The following SMOC2 variants were observed in gnomAD, a reference collection of about 807,000 sequenced individuals.
SMOC2 encodes the protein SPARC-related modular calcium-binding protein 2.
SMOC2 carries 39 observed loss-of-function variants against 61.4 expected under a neutral mutation model. That is an observed-to-expected ratio of 0.64 (90% CI 0.49 to 0.83). SMOC2 has a LOEUF of 0.83. SMOC2 is among the 40% of genes least tolerant of loss of function. SMOC2 has a pLI of 0.00. For missense variants in SMOC2, 556 were observed against 592.9 expected, an observed-to-expected ratio of 0.94 and a Z score of 0.65; for synonymous variants, 247 against 239.9, an observed-to-expected ratio of 1.03 and a Z score of -0.27.
At chr6:168,507,931 G>A (rs577870466) in intron 1 of SMOC2, among the ~76,000 whole-genome samples, 2 of 152,220 alleles carry the variant, frequency 1.3e-5, no homozygotes, top group African/African-American at 2.4e-5. Context: ...CTTGGCTCCA[G>A]CCTTCATCCC....
intron 9 of SMOC2, among the ~76,000 whole-genome samples, chr6:168,647,337 C>A (rs2115268475): frequency 6.6e-6 from 1 of 152,298 alleles, no homozygotes; most frequent in South Asian, 2.1e-4. Flanking sequence ...TAGAAAGGAC[C>A]CACCAGAGCA....
chr6:168,547,057 A>C (rs753567777), intron 5 of SMOC2, 62 bp from the exon 6 acceptor site: 1 of 1,607,090 alleles, frequency 6.2e-7, no homozygotes, highest in South Asian at 1.1e-5. Context: ...CCGTATGCAC[A>C]CTTACTTAAC....
intron 10 of SMOC2, among the ~76,000 whole-genome samples, chr6:168,652,020 A>G (rs995748234): frequency 3.3e-5 from 5 of 149,850 alleles, no homozygotes; most frequent in Non-Finnish European, 7.4e-5. Context: ...CAGCCAGGAC[A>G]ACAAGAGCAA....
intron 12 of SMOC2, among the ~76,000 whole-genome samples, chr6:168,665,902 A>G (rs555454215): frequency 2.6e-5 from 4 of 152,022 alleles, no homozygotes; most frequent in East Asian, 1.9e-4. Flanking sequence ...GAGATCATAT[A>G]TTGCTTTTTT....
rs1222801966 is a variant in SMOC2 at position 168,535,339 on chromosome 6, C to A, written c.463+7612C>A. Among the ~76,000 whole-genome samples the A allele has an allele frequency of 6.6e-6, 1 of 152,066 alleles. No homozygotes were observed. Among genetic ancestry groups the A allele is most frequent in the African/African-American group, 2.4e-5 (1 of 41,394 alleles). ...CTTCTAATTATTTTTTGGACAAATG[C>A]TAATTATTTTACAGCACCTTTTTTC... On this transcript the variant is annotated intron_variant, in intron 4 of 12. Coordinates refer to ENST00000356284, the MANE Select transcript of SMOC2 (RefSeq NM_001166412.2). This position sits in a 1 kb window ranked among gnomAD's most constrained non-coding sequence, Gnocchi z 4.6.
chr6:168,599,512 A>ACC (rs1562372863), intron 8 of SMOC2, among the ~76,000 whole-genome samples: 1 of 101,362 alleles, frequency 9.9e-6, no homozygotes, highest in African/African-American at 4.1e-5. Flanking sequence ...TGACACTCAC[A>ACC]CACACACTCA....
Position 168,548,004 on chromosome 6 carries a change from T to C in SMOC2, c.562+835T>C, listed in dbSNP as rs138341817. Among the ~76,000 whole-genome samples the C allele has an allele frequency of 9.2e-5, 14 of 152,314 alleles. No individual in the cohort carries two copies. The East Asian group carries it at 2.7e-3, about 29-fold the overall frequency. On this transcript the variant is annotated intron_variant, in intron 6 of 12. Transcript: ENST00000356284. ...TTTCCTGTTTTTACCTTTAATACATTGTCTTAGGTATTTACCAGTGTATAA... is the reference window on the plus strand; with the variant it reads ...TTTCCTGTTTTTACCTTTAATACATCGTCTTAGGTATTTACCAGTGTATAA...
intron 1 of SMOC2, among the ~76,000 whole-genome samples, chr6:168,504,512 C>G (rs1340596743): frequency 6.6e-6 from 1 of 151,746 alleles, no homozygotes; most frequent in African/African-American, 2.4e-5. Context: ...CTGTGAGAAT[C>G]TAATGGTGCT....
intron 1 of SMOC2, among the ~76,000 whole-genome samples, chr6:168,447,872 G>T (rs1781364974): frequency 1.3e-5 from 2 of 151,220 alleles, no homozygotes; most frequent in Admixed American, 1.3e-4. Context: ...AGTTGACCTT[G>T]CCTGCGTCAG....
intron 7 of SMOC2, among the ~76,000 whole-genome samples, chr6:168,589,885 T>G (rs1484463348): frequency 1.5e-4 from 5 of 33,736 alleles, no homozygotes; most frequent in East Asian, 2.0e-3. Flanking sequence ...GGTGTGGCAT[T>G]AGTTTAGGGG....
intron 4 of SMOC2, among the ~76,000 whole-genome samples, chr6:168,541,377 C>G (rs1783874848): frequency 6.6e-6 from 1 of 152,158 alleles, no homozygotes; most frequent in Non-Finnish European, 1.5e-5. Context: ...TATCAGTCAA[C>G]CCTTCTTTCT....
At position 168,616,376 on chromosome 6, in the gene SMOC2, G is replaced by A. The variant is rs74966484; in HGVS notation, c.907+8137G>A. Among the ~76,000 whole-genome samples the A allele has an allele frequency of 7.4e-3, 1,122 of 152,332 alleles. 19 individuals carry two copies. Among genetic ancestry groups the A allele is most frequent in the African/African-American group, 0.026 (1,078 of 41,570 alleles). ...GACTCTCCATGACCCATGAGGCTGG[G>A]ACAAGGACTGGGTGTTGAGGAGGCT... On this transcript the variant is annotated intron_variant, in intron 9 of 12. Coordinates refer to ENST00000356284, the MANE Select transcript of SMOC2 (RefSeq NM_001166412.2).
chr6:168,556,583 G>A (rs1355766285), intron 7 of SMOC2, among the ~76,000 whole-genome samples: 1 of 145,586 alleles, frequency 6.9e-6, no homozygotes, highest in African/African-American at 2.5e-5. Flanking sequence ...CCCCCAAAAT[G>A]CGCCTTGGGA....
intron 1 of SMOC2, among the ~76,000 whole-genome samples, chr6:168,443,207 G>T (rs2114986331): frequency 6.6e-6 from 1 of 152,350 alleles, no homozygotes; most frequent in South Asian, 2.1e-4. Context: ...CCCTGTGTGT[G>T]TGGGGGGTGG....
At chr6:168,458,680 T>C (rs1015105021) in intron 1 of SMOC2, among the ~76,000 whole-genome samples, 1 of 152,080 alleles carries the variant, frequency 6.6e-6, no homozygotes, top group Non-Finnish European at 1.5e-5. Flanking sequence ...GTCTTCCTGC[T>C]CGAGATGTGA....
At chr6:168,615,215 C>G (rs1388879978) in intron 9 of SMOC2, among the ~76,000 whole-genome samples, 3 of 85,794 alleles carry the variant, frequency 3.5e-5, no homozygotes, top group South Asian at 5.0e-4. Context: ...CTCTTTATAC[C>G]TACAGCCAGC....
chr6:168,547,423 T>C (rs1562340355), intron 6 of SMOC2, among the ~76,000 whole-genome samples: 1 of 151,182 alleles, frequency 6.6e-6, no homozygotes, highest in Non-Finnish European at 1.5e-5. Flanking sequence ...TAGGGTAGGA[T>C]GGAGGAAACA....
At chr6:168,451,180 C>G (rs990061791) in intron 1 of SMOC2, among the ~76,000 whole-genome samples, 1 of 151,886 alleles carries the variant, frequency 6.6e-6, no homozygotes, top group African/African-American at 2.4e-5. Context: ...TCCCTCGGGT[C>G]GCCCCTGCCT....
At chr6:168,486,981 C>A (rs913732683) in intron 1 of SMOC2, among the ~76,000 whole-genome samples, 1 of 152,278 alleles carries the variant, frequency 6.6e-6, no homozygotes, top group East Asian at 1.9e-4. Context: ...TTAGAAGGGC[C>A]TTTGCAACCT....
Sources: gnomAD v4.1 joint callset for allele counts (sites outside exome capture counted in the v4.1 genomes callset) on GRCh38, gnomAD v4.1.1 for gene constraint, Gnocchi (gnomAD v3.1) non-coding constraint, MANE v1.5 for transcripts, NCBI Gene and HGNC (gene_info 2026-07-23, HGNC 2026-07-21) for gene names.